The following HSPA12A variants were observed in gnomAD, a reference collection of about 807,000 sequenced individuals.
The protein encoded by HSPA12A is heat shock protein family A (Hsp70) member 12A.
HSPA12A carries 28 observed loss-of-function variants against 69.2 expected under a neutral mutation model. The ratio of observed to expected loss-of-function variants is 0.40; its 90% CI spans 0.30 to 0.55. The LOEUF is 0.55. Among genes scored for constraint, HSPA12A ranks in the 20% least tolerant of loss-of-function variants. HSPA12A has a pLI of 0.38. For missense variants in HSPA12A, 686 were observed against 900.7 expected (o/e 0.76, Z 3.05); for synonymous variants, 345 against 370.5 (o/e 0.93, Z 0.79).
chr10:116,806,804 C>T (rs777850772), intron 2 of HSPA12A, among the ~76,000 whole-genome samples: 1 of 152,210 alleles, frequency 6.6e-6, no homozygotes, highest in Non-Finnish European at 1.5e-5. Flanking sequence ...GGGATTGACC[C>T]GTGGCCCCCC....
intron 1 of HSPA12A, among the ~76,000 whole-genome samples, chr10:116,726,470 A>T (rs1369408034): frequency 6.8e-6 from 1 of 147,064 alleles, no homozygotes; most frequent in Non-Finnish European, 1.5e-5. Flanking sequence ...GCAGGACCCC[A>T]CCAGCTCCAG....
At chr10:116,746,324 T>G (rs1441677704), upstream of HSPA12A, among the ~76,000 whole-genome samples, 4 of 152,212 alleles carry the variant, frequency 2.6e-5, no homozygotes, top group Non-Finnish European at 5.9e-5. Flanking sequence ...TGGAAAGGGC[T>G]GGACATGATG....
At chr10:116,811,771 T>C (rs974342754) in intron 2 of HSPA12A, among the ~76,000 whole-genome samples, 11 of 152,058 alleles carry the variant, frequency 7.2e-5, no homozygotes, top group East Asian at 5.8e-4. Context: ...GGTTTTCCCA[T>C]ATGTCAACTG....
Position 116,773,980 on chromosome 10 carries a change from A to T in HSPA12A, c.91+60955T>A, listed in dbSNP as rs528657949. ...TTGGTCTTGAGTGGCATTCACTATGACATGGGGTGGGGGAACCTGCTCTGT... is the reference window on the plus strand; with the variant it reads ...TTGGTCTTGAGTGGCATTCACTATGTCATGGGGTGGGGGAACCTGCTCTGT... On this transcript the variant is annotated intron_variant, in intron 2 of 12. Coordinates refer to the HSPA12A transcript ENST00000635765. 9.3e-5 allele frequency among the ~76,000 whole-genome samples: 14 copies of T among 151,234 alleles called. No individual in the cohort carries two copies. In the South Asian group the frequency reaches 2.9e-3, roughly 32 times the overall value.
intron 2 of HSPA12A, among the ~76,000 whole-genome samples, chr10:116,796,163 A>AAAAAAAAAAAAAAAAG (rs1414051045): frequency 6.5e-5 from 9 of 138,880 alleles, no homozygotes; most frequent in African/African-American, 1.6e-4. Context: ...AAAAAAAAAA[A>AAAAAAAAAAAAAAAAG]AAAGAAAGAA....
chr10:116,837,535 T>C (rs894534006), intron 1 of HSPA12A, among the ~76,000 whole-genome samples: 2 of 152,146 alleles, frequency 1.3e-5, no homozygotes. Flanking sequence ...AGACCATCTA[T>C]GGCAATAAAT....
chr10:116,774,900 A>G (rs1239253869), intron 2 of HSPA12A, among the ~76,000 whole-genome samples: 1 of 152,108 alleles, frequency 6.6e-6, no homozygotes, highest in African/African-American at 2.4e-5. Context: ...CTATACTGCC[A>G]TGGCATAGGT....
chr10:116,741,664 C>T (rs1267503229), intron 1 of HSPA12A, among the ~76,000 whole-genome samples: 2 of 152,148 alleles, frequency 1.3e-5, no homozygotes, highest in Non-Finnish European at 2.9e-5. Context: ...ACCCCCTTCC[C>T]CGTCCTCTCC....
intron 1 of HSPA12A, among the ~76,000 whole-genome samples, chr10:116,844,429 A>C (rs2133226176): frequency 6.6e-6 from 1 of 152,326 alleles, no homozygotes. Flanking sequence ...TACTTTTATT[A>C]CTTAGCATTT....
intron 1 of HSPA12A, among the ~76,000 whole-genome samples, chr10:116,846,519 T>G (rs1381480233): frequency 1.3e-5 from 2 of 151,978 alleles, no homozygotes; most frequent in Non-Finnish European, 2.9e-5. Flanking sequence ...CCGGCTAATT[T>G]TTGTATTTTT....
intron 7 of HSPA12A, chr10:116,683,571 G>A (rs1589624667): frequency 5.1e-6 from 2 of 391,562 alleles, no homozygotes; most frequent in East Asian, 7.4e-5. Flanking sequence ...CCAGACACTT[G>A]GTGGGTGATG....
chr10:116,697,932 G>A (rs1345695622), intron 5 of HSPA12A, among the ~76,000 whole-genome samples: 1 of 152,172 alleles, frequency 6.6e-6, no homozygotes, highest in Non-Finnish European at 1.5e-5. Flanking sequence ...CACATGCTAT[G>A]TGGCTATCTG....
At chr10:116,784,398 A>C (rs971141708) in intron 2 of HSPA12A, among the ~76,000 whole-genome samples, 13 of 152,200 alleles carry the variant, frequency 8.5e-5, no homozygotes, top group African/African-American at 2.7e-4. Flanking sequence ...CATTTTTCAC[A>C]TCCTGGTCAC....
intron 5 of HSPA12A, among the ~76,000 whole-genome samples, chr10:116,695,161 A>C (rs1431320593): frequency 1.3e-5 from 2 of 152,048 alleles, no homozygotes; most frequent in African/African-American, 4.8e-5. Context: ...CCCTGCAGAC[A>C]AACCTGCAGA....
chr10:116,761,313 C>T (rs1458481514), intron 2 of HSPA12A, among the ~76,000 whole-genome samples: 2 of 152,012 alleles, frequency 1.3e-5, no homozygotes, highest in African/African-American at 2.4e-5. Context: ...TGGTGAAACA[C>T]CGTCTCTACT....
chr10:116,781,299 CA>C (rs1180884387), intron 2 of HSPA12A, among the ~76,000 whole-genome samples: 1 of 149,358 alleles, frequency 6.7e-6, no homozygotes, highest in East Asian at 2.0e-4. Flanking sequence ...TAAAAGAAAA[CA>C]GAAAAAAAAA....
chr10:116,750,322 C>A, intron 2 of HSPA12A: 1 of 760,372 alleles, frequency 1.3e-6, no homozygotes, highest in Non-Finnish European at 2.4e-6. Context: ...AGCCTGGTGC[C>A]TTCACCTGCT....
At chr10:116,837,816 A>C (rs1395067596) in intron 1 of HSPA12A, among the ~76,000 whole-genome samples, 2 of 115,304 alleles carry the variant, frequency 1.7e-5, no homozygotes, top group African/African-American at 1.7e-4. Flanking sequence ...AAAAGAATGC[A>C]AAAAAAAAAA....
intron 1 of HSPA12A, among the ~76,000 whole-genome samples, chr10:116,719,443 G>A (rs909563125): frequency 6.6e-6 from 1 of 152,184 alleles, no homozygotes; most frequent in Non-Finnish European, 1.5e-5. Flanking sequence ...TCCTTGAGGG[G>A]GTCCATGAGC....
Sources: gnomAD v4.1 joint callset for allele counts (sites outside exome capture counted in the v4.1 genomes callset) on GRCh38, gnomAD v4.1.1 for gene constraint, MANE v1.5 for transcripts, NCBI Gene and HGNC (gene_info 2026-07-23, HGNC 2026-07-21) for gene names.